TGM6: variants seen among roughly 807,000 people sequenced by gnomAD.
TGM6 encodes the protein transglutaminase 6.
A neutral mutation model predicts 77.5 loss-of-function variants in TGM6; 74 were observed. The observed-to-expected ratio is 0.96, with a 90% CI of 0.79 to 1.16. The LOEUF (loss-of-function observed/expected upper bound fraction) is 1.16, where lower values mean the gene tolerates loss of function less well. TGM6 is among the 50% of genes most tolerant of loss of function. The probability of loss-of-function intolerance (pLI) is 0.00; values close to 1 mark genes in which losing one functional copy is unlikely to be tolerated. For missense variants in TGM6, 968 were observed against 940.2 expected, an observed-to-expected ratio of 1.03 and a Z score of -0.39; for synonymous variants, 383 against 378.9, an observed-to-expected ratio of 1.01 and a Z score of -0.12.
intron 9 of TGM6, among the ~76,000 whole-genome samples, chr20:2,416,209 G>A (rs936251831): frequency 6.6e-6 from 1 of 152,204 alleles, no homozygotes; most frequent in Admixed American, 6.5e-5. Flanking sequence ...TAGCAGCTCT[G>A]AGTGACAGAG....
At chr20:2,385,384 G>A (rs370990522) in intron 1 of TGM6, among the ~76,000 whole-genome samples, 66 of 152,124 alleles carry the variant, frequency 4.3e-4, no homozygotes, top group African/African-American at 1.5e-3. Context: ...TGAGGTGGGG[G>A]TTGTCTTGTA....
chr20:2,409,744 A>C (rs1247788036), intron 9 of TGM6, among the ~76,000 whole-genome samples: 2 of 151,958 alleles, frequency 1.3e-5, no homozygotes, highest in African/African-American at 4.8e-5. Context: ...AAGAAGAGCA[A>C]ACTAAACACC....
chr20:2,399,419 T>C, intron 5 of TGM6, 142 bp from the exon 6 acceptor site: 1 of 1,042,892 alleles, frequency 9.6e-7, no homozygotes, highest in Non-Finnish European at 1.5e-6. Flanking sequence ...AGGCAACAGA[T>C]GCCCCTAATT....
intron 3 of TGM6, 124 bp from the exon 4 acceptor site, chr20:2,396,382 T>G: frequency 1.1e-6 from 1 of 937,934 alleles, no homozygotes; most frequent in Non-Finnish European, 1.8e-6. Flanking sequence ...AAGCCCCCTC[T>G]TGACCTCTCC....
chr20:2,388,634 A>AC (rs1203546822), intron 1 of TGM6, among the ~76,000 whole-genome samples: 2 of 151,854 alleles, frequency 1.3e-5, no homozygotes, highest in African/African-American at 2.4e-5. Flanking sequence ...CAAACAAAAA[A>AC]AAACAGGCTG....
At chr20:2,396,337 A>T (rs1266885574) in intron 3 of TGM6, among the ~76,000 whole-genome samples, 169 bp from the exon 4 acceptor site, 1 of 152,072 alleles carries the variant, frequency 6.6e-6, no homozygotes, top group Non-Finnish European at 1.5e-5. Context: ...GCCAGGAGGG[A>T]TGGAGTTTGG....
At chr20:2,419,862 T>C (rs1226473688) in intron 10 of TGM6, among the ~76,000 whole-genome samples, 2 of 152,184 alleles carry the variant, frequency 1.3e-5, no homozygotes, top group Non-Finnish European at 2.9e-5. Flanking sequence ...ATCTACAGAG[T>C]GTCAGGTAAG....
At chr20:2,395,648 G>C (rs2084660093) in intron 3 of TGM6, among the ~76,000 whole-genome samples, 1 of 152,200 alleles carries the variant, frequency 6.6e-6, no homozygotes, top group Non-Finnish European at 1.5e-5. Flanking sequence ...CAGTGGGCAA[G>C]AGAGGCCCAG....
chr20:2,395,242 CGGAGCT>C lies in TGM6; in HGVS notation c.236_241del (p.Leu79_Glu80del). 6.2e-7 allele frequency: 1 copy of C among 1,614,032 alleles called. No individual in the cohort carries two copies. The highest frequency in any genetic ancestry group is 8.5e-7 in the Non-Finnish European group (1 of 1,180,016). ...CACACCAAAGCTGTGTTCCAGACAT[CGGAGCT>C]GGAGCGGGGTGAGGGCTGGACAGCA... On this transcript the variant is annotated inframe_deletion, in exon 3 of 13. Coordinates refer to ENST00000202625, the MANE Select transcript of TGM6 (RefSeq NM_198994.3).
intron 9 of TGM6, among the ~76,000 whole-genome samples, chr20:2,410,543 C>T (rs1344981710): frequency 6.6e-6 from 1 of 152,122 alleles, no homozygotes. Context: ...TATGAGAACC[C>T]CAAATCTGTA....
chr20:2,413,796 T>G (rs1470170429), intron 9 of TGM6, among the ~76,000 whole-genome samples: 1 of 152,216 alleles, frequency 6.6e-6, no homozygotes, highest in Non-Finnish European at 1.5e-5. Flanking sequence ...TATAAAACTT[T>G]TGGAAGAAAA....
intron 10 of TGM6, among the ~76,000 whole-genome samples, chr20:2,429,755 G>A (rs2084911634): frequency 6.6e-6 from 1 of 151,324 alleles, no homozygotes; most frequent in African/African-American, 2.4e-5. Flanking sequence ...GCGACAGAGC[G>A]AGACTCCGTC....
chr20:2,392,945 A>G (rs1034600157), intron 1 of TGM6, among the ~76,000 whole-genome samples: 2 of 152,138 alleles, frequency 1.3e-5, no homozygotes, highest in Non-Finnish European at 2.9e-5. Context: ...CCAGGTTAGA[A>G]TCTGAATCCA....
At chr20:2,399,155 A>AG (rs1183854813) in intron 5 of TGM6, among the ~76,000 whole-genome samples, 7 of 127,366 alleles carry the variant, frequency 5.5e-5, no homozygotes, top group Non-Finnish European at 8.6e-5. Context: ...AAAAAAAAAA[A>AG]AAGAATAATG....
chr20:2,423,708 G>A (rs2084870864), intron 10 of TGM6, among the ~76,000 whole-genome samples: 1 of 152,096 alleles, frequency 6.6e-6, no homozygotes, highest in South Asian at 2.1e-4. Context: ...TGTCTAGAAT[G>A]GTGAATCTTT....
Position 2,400,410 on chromosome 20 carries a change from C to T in TGM6, c.955C>T (p.Arg319Trp), listed in dbSNP as rs572902669. The part of the protein sequence containing the change: ...SVDKYVDSFG[R>W]TLEDLTEDSM... ...GGACAAATACGTGGACTCCTTCGGG[C>T]GGACCCTGGAGGACCTGACAGAAGA... Residue 319 changes from arginine (R) to tryptophan (W), a missense_variant, in exon 7 of 13, where the codon CGG becomes TGG. Transcript: ENST00000202625. 2.6e-5 allele frequency: 42 copies of T among 1,614,034 alleles called. No individual in the cohort carries two copies. The highest frequency in any genetic ancestry group is 6.7e-5 in the African/African-American group (5 of 74,924).
chr20:2,390,952 G>C (rs1299810847), intron 1 of TGM6, among the ~76,000 whole-genome samples: 3 of 151,578 alleles, frequency 2.0e-5, no homozygotes, highest in Non-Finnish European at 4.4e-5. Context: ...GAGAGGGGAA[G>C]AGAAACTGAA....
chr20:2,390,501 A>G (rs976987663), intron 1 of TGM6, among the ~76,000 whole-genome samples: 1 of 152,198 alleles, frequency 6.6e-6, no homozygotes, highest in Non-Finnish European at 1.5e-5. Flanking sequence ...TCTTTCCCTC[A>G]GTTTCCTCAT....
intron 12 of TGM6, among the ~76,000 whole-genome samples, chr20:2,431,290 C>T (rs2084922853): frequency 6.6e-6 from 1 of 152,206 alleles, no homozygotes; most frequent in South Asian, 2.1e-4. Flanking sequence ...CATTTATTCA[C>T]TCACTTTCAT....
Sources: gnomAD v4.1 joint callset for allele counts (sites outside exome capture counted in the v4.1 genomes callset) on GRCh38, gnomAD v4.1.1 for gene constraint, MANE v1.5 for transcripts, NCBI Gene and HGNC (gene_info 2026-07-23, HGNC 2026-07-21) for gene names.